Variants in TM4SF4 observed in about 807,000 individuals in gnomAD.
The protein encoded by TM4SF4 is transmembrane 4 L six family member 4.
TM4SF4 carries 24 observed loss-of-function variants against 24.1 expected under a neutral mutation model. The ratio of observed to expected loss-of-function variants is 1.00; its 90% CI spans 0.72 to 1.40. The LOEUF (loss-of-function observed/expected upper bound fraction) is 1.40. TM4SF4 is among the 40% of genes most tolerant of loss of function. The pLI is 0.00. For synonymous variants in TM4SF4, 113 were observed against 97.0 expected, an observed-to-expected ratio of 1.17 and a Z score of -0.97; for missense variants, 254 against 254.2, an observed-to-expected ratio of 1.00 and a Z score of 0.01.
chr3:149,491,148 A>ATT (rs957065900), intron 3 of TM4SF4, among the ~76,000 whole-genome samples: 2 of 147,838 alleles, frequency 1.4e-5, no homozygotes, highest in African/African-American at 4.9e-5. Flanking sequence ...TAGTAAAAGG[A>ATT]TTTTTTTTTT....
chr3:149,486,136 T>C (rs1158831173), intron 2 of TM4SF4, among the ~76,000 whole-genome samples: 1 of 152,228 alleles, frequency 6.6e-6, no homozygotes, highest in Non-Finnish European at 1.5e-5. Flanking sequence ...TCAGGTCCTC[T>C]TCACCTTCAA....
In TM4SF4 at chr3:149,474,940, C is replaced by T; in HGVS notation, c.63C>T (p.Gly21=). ...CCCTCATTCCCCTTGCTTTTTTTGG[C>T]TTCCTGGCTAACATCCTGTTATTTT... is the stretch of plus-strand genomic sequence containing the variant. ...GGTLIPLAFF[G]FLANILLFFP... is the part of the protein sequence containing the mutation. Residue 21 remains glycine, a synonymous_variant, in exon 1 of 5, where the codon GGC becomes GGT. Transcript: ENST00000305354. The T allele has an allele frequency of 2.5e-6, 4 of 1,613,738 alleles. No homozygotes were observed. The highest frequency in any genetic ancestry group is 2.5e-6 in the Non-Finnish European group (3 of 1,179,816).
chr3:149,479,394 G>C (rs1030656020), intron 2 of TM4SF4, among the ~76,000 whole-genome samples: 2 of 150,064 alleles, frequency 1.3e-5, no homozygotes, highest in African/African-American at 4.9e-5. Context: ...GTTATTGGGG[G>C]GTCTCACTAT....
chr3:149,487,803 G>A (rs1452979142), intron 3 of TM4SF4, 48 bp downstream of exon 3: 5 of 1,601,872 alleles, frequency 3.1e-6, no homozygotes, highest in Non-Finnish European at 4.3e-6. Flanking sequence ...AGGGGCATGG[G>A]CAGATAAATT....
At position 149,498,605 on chromosome 3, in the gene TM4SF4, G is replaced by A. The variant is rs923977229; in HGVS notation, c.402-117G>A. 93 of 861,494 alleles carry A rather than the reference G, an allele frequency of 1.1e-4. No individual in the cohort carries two copies. In the Admixed American group the frequency reaches 1.3e-3, roughly 12 times the overall value. 53.4% of individuals were successfully genotyped at this position (861,494 alleles called of 1,614,324 possible). A position where few individuals can be genotyped will look rare whatever the true frequency, so the allele number is the denominator to read the frequency against. ...AATTGTTAGTACAGAGTATTTTCTCGTGAAGCTAGTTTTGGGTGGAAAGTA... is the reference window on the plus strand; with the variant it reads ...AATTGTTAGTACAGAGTATTTTCTCATGAAGCTAGTTTTGGGTGGAAAGTA... On this transcript the variant is annotated intron_variant, in intron 3 of 4. Transcript: ENST00000305354.
At chr3:149,499,501 AAGAC>A (rs1359734843) in intron 4 of TM4SF4, among the ~76,000 whole-genome samples, 3 of 152,234 alleles carry the variant, frequency 2.0e-5, no homozygotes, top group African/African-American at 7.2e-5. Context: ...TGCAGACAGT[AAGAC>A]AGTCTGATTA....
At chr3:149,477,470 C>T (rs77207040) in intron 2 of TM4SF4, among the ~76,000 whole-genome samples, 5,084 of 152,294 alleles carry the variant, frequency 0.033, 90 homozygotes, top group Middle Eastern at 0.065. Flanking sequence ...GGGAAAGGTG[C>T]ATCTATCCAT....
chr3:149,497,656 T>C (rs1355961297), intron 3 of TM4SF4, among the ~76,000 whole-genome samples: 2 of 152,026 alleles, frequency 1.3e-5, no homozygotes, highest in African/African-American at 4.8e-5. Context: ...TTTATTTTTA[T>C]TTTTTGAGAT....
intron 2 of TM4SF4, among the ~76,000 whole-genome samples, chr3:149,481,136 A>G (rs369548795): frequency 9.2e-5 from 14 of 152,196 alleles, no homozygotes; most frequent in African/African-American, 3.4e-4. Flanking sequence ...CTGGGATTAC[A>G]GTAGTGAGCC....
intron 2 of TM4SF4, among the ~76,000 whole-genome samples, chr3:149,480,784 TTTC>T (rs1479842559): frequency 2.0e-5 from 3 of 152,188 alleles, no homozygotes; most frequent in Admixed American, 6.5e-5. Context: ...TGGAATTTTA[TTTC>T]TTCTTTTTTC....
At chr3:149,493,937 T>C (rs1047009612) in intron 3 of TM4SF4, among the ~76,000 whole-genome samples, 5 of 152,216 alleles carry the variant, frequency 3.3e-5, no homozygotes, top group Non-Finnish European at 7.3e-5. Context: ...GGTTTCTGTC[T>C]TCAGCTGAGA....
intron 2 of TM4SF4, among the ~76,000 whole-genome samples, chr3:149,480,679 C>T (rs55731240): frequency 0.032 from 4,811 of 152,170 alleles, 85 homozygotes; most frequent in Middle Eastern, 0.065. Context: ...AATCTACCTC[C>T]TCATTCCTTG....
At chr3:149,478,715 T>G (rs1733977858) in intron 2 of TM4SF4, among the ~76,000 whole-genome samples, 1 of 152,200 alleles carries the variant, frequency 6.6e-6, no homozygotes, top group African/African-American at 2.4e-5. Context: ...GACCACATGC[T>G]GGGTAGCCAG....
chr3:149,480,426 C>T (rs1334570032), intron 2 of TM4SF4, among the ~76,000 whole-genome samples: 1 of 152,124 alleles, frequency 6.6e-6, no homozygotes, highest in Non-Finnish European at 1.5e-5. Flanking sequence ...GTTGGGTAGG[C>T]ATGTATTTCA....
In TM4SF4 at chr3:149,497,140, A is replaced by C. The variant is rs144216340; in HGVS notation, c.402-1582A>C. On this transcript the variant is annotated intron_variant, in intron 3 of 4. Transcript: ENST00000305354. ...TGAATCCAAAATACCAGCTCTTTCC[A>C]TTAGACTAGACTGCTTAGATTAAGT... Among the ~76,000 whole-genome samples the C allele has an allele frequency of 1.0e-3, 155 of 152,376 alleles. 1 individual carries two copies. The highest frequency in any genetic ancestry group is 3.8e-3 in the Admixed American group (58 of 15,310).
At chr3:149,495,685 C>CT in intron 3 of TM4SF4, 2 of 262,096 alleles carry the variant, frequency 7.6e-6, no homozygotes. Flanking sequence ...CAAATCAGTG[C>CT]TAGCTACACC....
At chr3:149,488,672 C>T (rs1297995554) in intron 3 of TM4SF4, among the ~76,000 whole-genome samples, 2 of 152,166 alleles carry the variant, frequency 1.3e-5, no homozygotes, top group African/African-American at 4.8e-5. Context: ...TATTGAATAG[C>T]ACAGATCTAG....
intron 1 of TM4SF4, among the ~76,000 whole-genome samples, chr3:149,475,308 G>A (rs931974069): frequency 2.0e-5 from 3 of 152,258 alleles, no homozygotes; most frequent in African/African-American, 7.2e-5. Flanking sequence ...CCCATGAACC[G>A]AAGTGAAGGT....
intron 3 of TM4SF4, among the ~76,000 whole-genome samples, chr3:149,497,875 C>T (rs1734339642): frequency 6.6e-6 from 1 of 152,136 alleles, no homozygotes; most frequent in African/African-American, 2.4e-5. Context: ...GAACTCCTGA[C>T]TTCAGGTGAT....
Sources: gnomAD v4.1 joint callset for allele counts (sites outside exome capture counted in the v4.1 genomes callset) on GRCh38, gnomAD v4.1.1 for gene constraint, MANE v1.5 for transcripts, NCBI Gene and HGNC (gene_info 2026-07-23, HGNC 2026-07-21) for gene names.